The following THSD7B variants were observed in gnomAD, a reference collection of about 807,000 sequenced individuals.
THSD7B encodes thrombospondin type 1 domain containing 7B, also known as thrombospondin type-1 domain-containing protein 7B.
Under a neutral mutation model 213.6 loss-of-function variants are expected in THSD7B, and 138 were observed. The observed-to-expected ratio is 0.65, with a 90% CI of 0.56 to 0.74. The LOEUF (loss-of-function observed/expected upper bound fraction) is 0.74. Among genes scored for constraint, THSD7B ranks in the 30% least tolerant of loss-of-function variants. The pLI, the probability that THSD7B is intolerant of heterozygous loss-of-function variation, is 0.00. For synonymous variants in THSD7B, 742 were observed against 687.0 expected (o/e 1.08, Z -1.25); for missense variants, 1,931 against 1,991.5 (o/e 0.97, Z 0.58).
intron 2 of THSD7B, among the ~76,000 whole-genome samples, chr2:137,040,508 C>T (rs1686859604): frequency 6.6e-6 from 1 of 151,948 alleles, no homozygotes; most frequent in Non-Finnish European, 1.5e-5. Flanking sequence ...ATTCTCCTGC[C>T]TCAGCCTCCC....
chr2:137,154,613 G>A (rs1346797114), intron 5 of THSD7B, among the ~76,000 whole-genome samples: 1 of 152,048 alleles, frequency 6.6e-6, no homozygotes, highest in African/African-American at 2.4e-5. Context: ...GTGGGAAAAT[G>A]TATACTCATT....
At chr2:137,285,443 A>G (rs1298695304) in intron 12 of THSD7B, among the ~76,000 whole-genome samples, 2 of 152,100 alleles carry the variant, frequency 1.3e-5, no homozygotes, top group Non-Finnish European at 2.9e-5. Flanking sequence ...TCCTGTCATT[A>G]TGATGTTAGC....
chr2:137,042,346 C>T (rs1377296321), intron 2 of THSD7B, among the ~76,000 whole-genome samples: 1 of 152,072 alleles, frequency 6.6e-6, no homozygotes, highest in African/African-American at 2.4e-5. Context: ...GATCATTTAC[C>T]TCATCTAACC....
chr2:137,448,623 C>T (rs1237784275), intron 14 of THSD7B, among the ~76,000 whole-genome samples: 1 of 152,034 alleles, frequency 6.6e-6, no homozygotes, highest in African/African-American at 2.4e-5. Context: ...CGGTGAAACC[C>T]CATCTCTACT....
At position 137,061,972 on chromosome 2, in the gene THSD7B, C is replaced by G. The variant is rs75340369; in HGVS notation, c.950+4742C>G. The stretch of plus-strand genomic sequence containing the variant: ...ATGTTTGGTAGTGAACCCTCTGGAC[C>G]TCATGCTTTCTGATTTGGAAAGTTA... On this transcript the variant is annotated intron_variant, in intron 3 of 27. Transcript: ENST00000409968. 0.022 allele frequency among the ~76,000 whole-genome samples: 3,363 copies of G among 151,788 alleles called. 247 individuals carry two copies. In the East Asian group the frequency reaches 0.26, roughly 12 times the overall value.
In THSD7B at chr2:137,580,525, G is replaced by A. The variant is rs573872118; in HGVS notation, c.3423+7969G>A. Among the ~76,000 whole-genome samples, 6 of 152,094 alleles carry A rather than the reference G, an allele frequency of 3.9e-5. No homozygotes were observed. In the East Asian group the frequency reaches 1.2e-3, roughly 29 times the overall value. ...TAATGACTTTTACCTATCCTTTCTT[G>A]ATATTCACATTATCTTTCCTAGACA... is the stretch of plus-strand genomic sequence containing the variant. On this transcript the variant is annotated intron_variant, in intron 17 of 27. Transcript: ENST00000409968.
At chr2:136,791,986 C>T (rs1478851785) in intron 1 of THSD7B, among the ~76,000 whole-genome samples, 1 of 152,012 alleles carries the variant, frequency 6.6e-6, no homozygotes, top group Non-Finnish European at 1.5e-5. Flanking sequence ...ATTTTACAAT[C>T]CGACCAGCAG....
chr2:136,928,344 T>C (rs1242441362), intron 2 of THSD7B, among the ~76,000 whole-genome samples: 2 of 152,210 alleles, frequency 1.3e-5, no homozygotes, highest in Non-Finnish European at 2.9e-5. Flanking sequence ...TAAGCACATA[T>C]GGCTTTTGCA....
chr2:137,642,309 C>T, intron 20 of THSD7B, 179 bp from the exon 21 acceptor site: 1 of 653,638 alleles, frequency 1.5e-6, no homozygotes. Context: ...TTGTGAAAAC[C>T]TAGATAGCCT....
chr2:136,772,826 G>A (rs1681532890), intron 1 of THSD7B, among the ~76,000 whole-genome samples: 1 of 152,104 alleles, frequency 6.6e-6, no homozygotes, highest in Non-Finnish European at 1.5e-5. Context: ...CTGAAGATCT[G>A]TTTCTTGAAA....
intron 7 of THSD7B, among the ~76,000 whole-genome samples, chr2:137,230,555 T>C (rs1334156267): frequency 6.6e-6 from 1 of 152,146 alleles, no homozygotes; most frequent in Non-Finnish European, 1.5e-5. Context: ...TTTACCACTA[T>C]GAAAAAGGAG....
rs202030708 is a variant in THSD7B at position 137,378,146 on chromosome 2, C to CA, written c.2501-27459dup. On this transcript the variant is annotated intron_variant, in intron 12 of 27. Coordinates refer to ENST00000409968, the MANE Select transcript of THSD7B (RefSeq NM_001316349.2). ...AGGATCACTGATCTATTAAAAACAA[C>CA]AAAAAAAAGCCTGGTTGCGATGAAA... Among the ~76,000 whole-genome samples the CA allele has an allele frequency of 3.2e-3, 484 of 151,734 alleles. 2 individuals are homozygous for CA. The highest frequency in any genetic ancestry group is 4.7e-3 in the Non-Finnish European group (318 of 67,860).
At chr2:136,841,593 C>CAAAAA (rs534991799) in intron 1 of THSD7B, among the ~76,000 whole-genome samples, 18 of 92,976 alleles carry the variant, frequency 1.9e-4, no homozygotes, top group African/African-American at 4.2e-4. Flanking sequence ...AAGACTCCAT[C>CAAAAA]AAAAAAAAAA....
intron 4 of THSD7B, among the ~76,000 whole-genome samples, chr2:137,103,876 A>C (rs1688196222): frequency 6.6e-6 from 1 of 152,204 alleles, no homozygotes; most frequent in South Asian, 2.1e-4. Context: ...GAGCATCCAG[A>C]TTCATAAACC....
chr2:136,792,344 G>T (rs1050329676), intron 1 of THSD7B, among the ~76,000 whole-genome samples: 5 of 152,016 alleles, frequency 3.3e-5, no homozygotes, highest in African/African-American at 1.2e-4. Context: ...ATCAGTGGTT[G>T]CCAGGAGTTC....
intron 7 of THSD7B, among the ~76,000 whole-genome samples, chr2:137,216,928 A>G (rs1006226602): frequency 6.6e-6 from 1 of 152,156 alleles, no homozygotes; most frequent in Non-Finnish European, 1.5e-5. Flanking sequence ...GTATCTTCTA[A>G]GAGATATATG....
At chr2:137,071,140 T>C (rs1687478307) in intron 3 of THSD7B, among the ~76,000 whole-genome samples, 1 of 152,196 alleles carries the variant, frequency 6.6e-6, no homozygotes, top group Non-Finnish European at 1.5e-5. Context: ...ATCGCCACAC[T>C]GACTTCCACA....
intron 2 of THSD7B, among the ~76,000 whole-genome samples, chr2:136,894,382 T>C (rs528592705): frequency 4.9e-4 from 74 of 152,278 alleles, no homozygotes; most frequent in African/African-American, 1.8e-3. Context: ...ACAAGGCAGG[T>C]TGGTGGAATG....
chr2:136,893,907 G>A (rs908412581), intron 2 of THSD7B, among the ~76,000 whole-genome samples: 5 of 152,076 alleles, frequency 3.3e-5, no homozygotes, highest in African/African-American at 1.2e-4. Context: ...TATTTTCTTA[G>A]CAAAAGTAGA....
Sources: allele counts gnomAD v4.1 joint callset (sites outside exome capture counted in the v4.1 genomes callset), GRCh38; gene constraint gnomAD v4.1.1; transcripts MANE v1.5; gene names NCBI Gene and HGNC (gene_info 2026-07-23, HGNC 2026-07-21).